The following WDR33 variants were observed in gnomAD, a reference collection of about 807,000 sequenced individuals.
WDR33 encodes pre-mRNA 3' end processing protein WDR33.
In WDR33, 47 loss-of-function variants were observed where a neutral mutation model predicts 164.9. That is an observed-to-expected ratio of 0.29 (90% confidence interval 0.23 to 0.36). The LOEUF is 0.36. Among genes scored for constraint, WDR33 ranks in the 10% least tolerant of loss-of-function variants. The pLI is 1.00. For synonymous variants in WDR33, 505 were observed against 589.0 expected (o/e 0.86, Z 2.06); for missense variants, 1,137 against 1,754.1 (o/e 0.65, Z 6.28).
In WDR33 at chr2:127,726,795, G is replaced by A. The variant is rs752375968; in HGVS notation, c.725-18C>T. Reference sequence around the variant, plus strand: ...ACCATGCCCTGTCGGAAACAAGTTAGGATTAAAACCTAATTAGTTACATGC... The same window carrying A: ...ACCATGCCCTGTCGGAAACAAGTTAAGATTAAAACCTAATTAGTTACATGC... On this transcript the variant is annotated intron_variant, in intron 7 of 21. Transcript: ENST00000322313. This position sits in a 1 kb window ranked among gnomAD's most constrained non-coding sequence, Gnocchi z 4.8. 1 of 1,613,172 alleles carries A rather than the reference G, an allele frequency of 6.2e-7. No individual in the cohort carries two copies. Among genetic ancestry groups the A allele is most frequent in the Non-Finnish European group, 8.5e-7 (1 of 1,179,674 alleles).
chr2:127,725,226 AGTATC>A lies in WDR33; in HGVS notation c.852-16_852-12del. On this transcript the variant is annotated splice_polypyrimidine_tract_variant and intron_variant, in intron 8 of 21. Coordinates refer to ENST00000322313, the MANE Select transcript of WDR33 (RefSeq NM_018383.5). ...TTTTTATGGGCATGACTAGAAACAA[AGTATC>A]AAAAAAAAATGTCAGAATTCAAAAC... 6.3e-7 allele frequency: 1 copy of A among 1,578,096 alleles called. No individual in the cohort carries two copies. The highest frequency in any genetic ancestry group is 1.4e-5 in the African/African-American group (1 of 72,546).
intron 1 of WDR33, among the ~76,000 whole-genome samples, chr2:127,796,140 T>C (rs1004625962): frequency 3.3e-5 from 5 of 150,924 alleles, no homozygotes; most frequent in African/African-American, 4.9e-5. Context: ...GGCACCATCA[T>C]AGCTCACTGC....
chr2:127,716,156 A>G lies in WDR33; in HGVS notation c.2869+999T>C, dbSNP rs945113330. On this transcript the variant is annotated intron_variant, in intron 17 of 21. Transcript: ENST00000322313. The surrounding 1 kb of genome is among the most constrained non-coding windows in gnomAD (Gnocchi z 4.5). ...CTTCCACACAATGGGACAGAAATAA[A>G]CACTCTCTAGTTCCCTTATCTCTTT... Among the ~76,000 whole-genome samples the G allele has an allele frequency of 4.0e-4, 61 of 152,212 alleles. No individual in the cohort carries two copies. Among genetic ancestry groups the G allele is most frequent in the African/African-American group, 1.4e-3 (59 of 41,444 alleles).
At chr2:127,806,451 G>A (rs1453269614) in intron 1 of WDR33, among the ~76,000 whole-genome samples, 1 of 151,930 alleles carries the variant, frequency 6.6e-6, no homozygotes, top group East Asian at 1.9e-4. Flanking sequence ...CAGGTGATCT[G>A]CTCACCTCAG....
rs887094199 is a variant in WDR33, at chr2:127,722,426, A to G, written c.1518+165T>C. ...ACAGAGAAGACTGATAACAAACTCAATACAACTGCAAAGCAGTAGATGAGA... is the reference window on the plus strand; with the variant it reads ...ACAGAGAAGACTGATAACAAACTCAGTACAACTGCAAAGCAGTAGATGAGA... On this transcript the variant is annotated intron_variant, in intron 14 of 21. Transcript: ENST00000322313. This position sits in a 1 kb window ranked among gnomAD's most constrained non-coding sequence, Gnocchi z 5.1. 6.6e-6 allele frequency among the ~76,000 whole-genome samples: 1 copy of G among 152,252 alleles called. No individual in the cohort carries two copies. Among genetic ancestry groups the G allele is most frequent in the Non-Finnish European group, 1.5e-5 (1 of 68,044 alleles).
chr2:127,727,683 T>C (rs1024950026), intron 7 of WDR33, among the ~76,000 whole-genome samples: 38 of 152,134 alleles, frequency 2.5e-4, no homozygotes, highest in African/African-American at 2.2e-4. Flanking sequence ...ATTTGTAAAT[T>C]TGAAAAAAAT....
At position 127,802,402 on chromosome 2, in the gene WDR33, C is replaced by T. The variant is rs187730758; in HGVS notation, c.-24+8610G>A. ...GTGCAAGCAATTCTCCTGCCTCATC[C>T]TTCAGAGTAGCTGGGATTACAGGCA... On this transcript the variant is annotated intron_variant, in intron 1 of 21. Coordinates refer to ENST00000322313, the MANE Select transcript of WDR33 (RefSeq NM_018383.5). Among the ~76,000 whole-genome samples the T allele has an allele frequency of 5.7e-3, 864 of 152,206 alleles. 7 individuals carry two copies. Among genetic ancestry groups the T allele is most frequent in the African/African-American group, 0.019 (788 of 41,560 alleles).
chr2:127,741,445 G>C lies in WDR33; in HGVS notation c.725-14668C>G, dbSNP rs937817104. On this transcript the variant is annotated intron_variant, in intron 7 of 21. Coordinates refer to ENST00000322313, the MANE Select transcript of WDR33 (RefSeq NM_018383.5). This position sits in a 1 kb window ranked among gnomAD's most constrained non-coding sequence, Gnocchi z 4.1. ...CCACTTACTTGATAAATGTGGCAGT[G>C]GCCTGTGCTTCTCCACTCACTTCAT... Among the ~76,000 whole-genome samples the C allele has an allele frequency of 6.6e-6, 1 of 152,170 alleles. No individual in the cohort carries two copies. Among genetic ancestry groups the C allele is most frequent in the East Asian group, 1.9e-4 (1 of 5,198 alleles).
intron 4 of WDR33, among the ~76,000 whole-genome samples, chr2:127,767,542 T>C (rs2105439519): frequency 6.6e-6 from 1 of 151,786 alleles, no homozygotes; most frequent in East Asian, 1.9e-4. Flanking sequence ...TGAAACCCCG[T>C]CTCTACTAAA....
Position 127,706,342 on chromosome 2 carries a change from C to A in WDR33, c.3992G>T (p.Gly1331Val). ...SGPPRRGASR[G>V]GGRGR ...CAGCTTCTACCGACCCCTTCCACCA[C>A]CCCGTGAAGCTCCTCGCCTCGGCGG... The change falls in exon 22 of 22, where the codon GGT becomes GTT. Residue 1331 changes from glycine (G) to valine (V), a missense_variant. Physicochemically the swap from Gly to Val is moderately radical, Grantham distance 109. Transcript: ENST00000322313. This position sits in a 1 kb window ranked among gnomAD's most constrained non-coding sequence, Gnocchi z 5.1. 6.3e-7 allele frequency: 1 copy of A among 1,580,332 alleles called. No individual in the cohort carries two copies. Among genetic ancestry groups the A allele is most frequent in the Non-Finnish European group, 8.6e-7 (1 of 1,163,062 alleles).
chr2:127,749,262 C>A (rs1225475186), intron 7 of WDR33, among the ~76,000 whole-genome samples: 1 of 152,214 alleles, frequency 6.6e-6, no homozygotes, highest in Non-Finnish European at 1.5e-5. Context: ...TAAGCCCAGG[C>A]AGTTGAGGCT....
At chr2:127,711,584 A>C (rs900029564) in intron 18 of WDR33, among the ~76,000 whole-genome samples, 1 of 150,316 alleles carries the variant, frequency 6.7e-6, no homozygotes, top group Admixed American at 6.6e-5. Context: ...GGTCTTAAAA[A>C]CACTGGGAGC....
chr2:127,801,372 T>C (rs1302884723), intron 1 of WDR33, among the ~76,000 whole-genome samples: 1 of 151,768 alleles, frequency 6.6e-6, no homozygotes, highest in Non-Finnish European at 1.5e-5. Context: ...TGTAAAATGG[T>C]ACAATGAGGC....
rs117796085 is a variant in WDR33, at chr2:127,771,160, C to T, written c.-23-156G>A. Among the ~76,000 whole-genome samples, 608 of 152,274 alleles carry T rather than the reference C, an allele frequency of 4.0e-3. 25 individuals carry two copies. In the East Asian group the frequency reaches 0.11, roughly 26 times the overall value. ...ACTACAGTCATGAGTCACTTAACAA[C>T]GGGCGTATGTTCTCAGAGATGCATC... On this transcript the variant is annotated intron_variant, in intron 1 of 21. Transcript: ENST00000322313.
Position 127,708,800 on chromosome 2 carries a change from G to A in WDR33, c.3658C>T (p.Leu1220Phe), listed in dbSNP as rs766628119. Reference protein sequence around the residue: ...SPASRERSSSLQGMDMASLPP... With the variant: ...SPASRERSSSFQGMDMASLPP... ...AGGGATGCCATGTCCATGCCTTGGA[G>A]AGAAGAGGAGCGTTCTCTGCTGGCT... Residue 1220 changes from leucine (L) to phenylalanine (F), a missense_variant, in exon 21 of 22, where the codon CTC (leucine) becomes TTC (phenylalanine). Physicochemically the swap from Leu to Phe is conservative, Grantham distance 22. Transcript: ENST00000322313. The surrounding 1 kb of genome is among the most constrained non-coding windows in gnomAD (Gnocchi z 6.7). 1.9e-6 allele frequency: 3 copies of A among 1,613,638 alleles called. No homozygotes were observed. The highest frequency in any genetic ancestry group is 2.5e-6 in the Non-Finnish European group (3 of 1,179,790).
At chr2:127,787,844 AC>A (rs1213777039) in intron 1 of WDR33, among the ~76,000 whole-genome samples, 21 of 17,386 alleles carry the variant, frequency 1.2e-3, no homozygotes, top group East Asian at 3.1e-3. Flanking sequence ...GGGGGGGCTG[AC>A]CCCCCCCCAC....
intron 1 of WDR33, among the ~76,000 whole-genome samples, chr2:127,772,783 G>T (rs1688051280): frequency 6.6e-6 from 1 of 152,024 alleles, no homozygotes; most frequent in African/African-American, 2.4e-5. Context: ...AAACTTACAT[G>T]CCAATAATAC....
At chr2:127,752,085 T>C (rs376945045) in intron 7 of WDR33, among the ~76,000 whole-genome samples, 28 of 152,334 alleles carry the variant, frequency 1.8e-4, no homozygotes, top group African/African-American at 6.3e-4. Flanking sequence ...AATATATGTA[T>C]AGTACATTTG....
Position 127,765,015 on chromosome 2 carries a change from G to A in WDR33, c.475-36C>T, listed in dbSNP as rs750416725. The A allele has an allele frequency of 2.5e-6, 4 of 1,605,538 alleles. No individual in the cohort carries two copies. The Admixed American group carries it at 5.0e-5, about 20-fold the overall frequency. The stretch of plus-strand genomic sequence containing the variant: ...AGAAAACATTAATTAGTAAGGTGCT[G>A]CTTCAAAGAATATATGACTAAAGGC... On this transcript the variant is annotated intron_variant, in intron 5 of 21. Transcript: ENST00000322313.
Sources: allele counts gnomAD v4.1 joint callset (sites outside exome capture counted in the v4.1 genomes callset), GRCh38; gene constraint gnomAD v4.1.1; non-coding constraint Gnocchi (gnomAD v3.1); transcripts MANE v1.5; gene names NCBI Gene and HGNC (gene_info 2026-07-23, HGNC 2026-07-21).